CFAP45: variants seen among roughly 807,000 people sequenced by gnomAD.
The protein encoded by CFAP45 is cilia- and flagella-associated protein 45.
In CFAP45, 43 loss-of-function variants were observed where a neutral mutation model predicts 75.6. That is an observed-to-expected ratio of 0.57 (90% CI 0.45 to 0.73). The LOEUF is 0.73. Among genes scored for constraint, CFAP45 ranks in the 30% least tolerant of loss-of-function variants. CFAP45 has a pLI of 0.00. For synonymous variants in CFAP45, 223 were observed against 244.6 expected (o/e 0.91, Z 0.82); for missense variants, 689 against 701.5 (o/e 0.98, Z 0.20).
intron 3 of CFAP45, 112 bp from the exon 4 acceptor site, chr1:159,888,608 A>C (rs779446451): frequency 5.2e-5 from 51 of 979,300 alleles, no homozygotes; most frequent in Non-Finnish European, 7.2e-5. Flanking sequence ...GACTCCCCCA[A>C]TGGCAGAAGA....
At position 159,890,620 on chromosome 1, in the gene CFAP45, G is replaced by T. The variant is rs1443777007; in HGVS notation, c.132C>A (p.Ser44=). The change falls in exon 3 of 12, where the codon TCC becomes TCA. Residue 44 remains serine (S), a splice_region_variant and synonymous_variant. Coordinates refer to ENST00000368099, the MANE Select transcript of CFAP45 (RefSeq NM_012337.3). ...GGCTGTCGCTCTGGCCCTGGGCTGG[G>T]GACTATGAGTTCAGAAAGAATAGCT... ...VDESLFGDIK[S]PAQGQSDSPI... 2 of 1,613,888 alleles carry T rather than the reference G, an allele frequency of 1.2e-6. No homozygotes were observed. The highest frequency in any genetic ancestry group is 1.7e-6 in the Non-Finnish European group (2 of 1,179,948).
Position 159,898,191 on chromosome 1 carries a change from T to C in CFAP45, c.3+1905A>G, listed in dbSNP as rs1022022833. 5.1e-6 allele frequency: 5 copies of C among 985,164 alleles called. No individual in the cohort carries two copies. The African/African-American group carries it at 8.7e-5, about 17-fold the overall frequency. The allele number at this position is 985,164 out of a possible 1,614,324, so 61.0% of individuals were successfully genotyped here. A position where few individuals can be genotyped will look rare whatever the true frequency, so the allele number is the denominator to read the frequency against. On this transcript the variant is annotated intron_variant, in intron 1 of 11. Transcript: ENST00000368099. Reference sequence around the variant, plus strand: ...GGTTACCAAGAAAGGGAGATTCCCATGCACGAGACCCCTTGCCTTTTACTC... The same window carrying C: ...GGTTACCAAGAAAGGGAGATTCCCACGCACGAGACCCCTTGCCTTTTACTC...
chr1:159,882,009 T>A (rs1037329040), intron 7 of CFAP45, among the ~76,000 whole-genome samples: 9 of 152,196 alleles, frequency 5.9e-5, no homozygotes, highest in Non-Finnish European at 1.2e-4. Context: ...CCAAGGTAAC[T>A]CTCCCTGTGT....
In CFAP45 at chr1:159,873,144, C is replaced by T. The variant is rs1255363822; in HGVS notation, c.1377G>A (p.Lys459=). Residue 459 remains lysine (K), a synonymous_variant, in exon 11 of 12, where the codon AAG becomes AAA. Coordinates refer to ENST00000368099, the MANE Select transcript of CFAP45 (RefSeq NM_012337.3). ...CCTTTTTCTCCTCCTCCAGCCGCTC[C>T]TTCTCAATCTGTTCTCTCTGAGCCC... The part of the protein sequence containing the change: ...ILRAQREQIE[K]ERLEEEKKAT... 6.2e-7 allele frequency: 1 copy of T among 1,613,916 alleles called. No homozygotes were observed.
At chr1:159,890,447 T>C (rs1370336204) in intron 3 of CFAP45, 33 bp downstream of exon 3, 2 of 1,611,568 alleles carry the variant, frequency 1.2e-6, no homozygotes, top group Non-Finnish European at 1.7e-6. Flanking sequence ...GGATGAGGAC[T>C]GGACATAGAA....
At chr1:159,881,764 A>G (rs1311678022) in intron 7 of CFAP45, among the ~76,000 whole-genome samples, 2 of 152,162 alleles carry the variant, frequency 1.3e-5, no homozygotes, top group Non-Finnish European at 2.9e-5. Context: ...ACAGCTCTCA[A>G]TGATCAGACC....
chr1:159,883,190 A>C (rs1375161613), intron 7 of CFAP45, among the ~76,000 whole-genome samples: 1 of 152,252 alleles, frequency 6.6e-6, no homozygotes, highest in Admixed American at 6.5e-5. Context: ...AAATGGCACC[A>C]TGAGGAGGCA....
intron 1 of CFAP45, 99 bp from the exon 2 acceptor site, chr1:159,893,404 G>T (rs1290339916): frequency 4.1e-6 from 5 of 1,206,184 alleles, no homozygotes; most frequent in Non-Finnish European, 6.0e-6. Flanking sequence ...GAGTGGGTGG[G>T]CATGTGAAAA....
chr1:159,879,467 T>C (rs1387635459), intron 8 of CFAP45, among the ~76,000 whole-genome samples: 6 of 152,224 alleles, frequency 3.9e-5, no homozygotes, highest in Non-Finnish European at 8.8e-5. Context: ...CACAGGATTA[T>C]TGTAAAGATT....
In CFAP45 at chr1:159,900,123, C is replaced by A. The variant is rs762548649; in HGVS notation, c.-25G>T. The A allele has an allele frequency of 1.2e-6, 2 of 1,614,158 alleles. No homozygotes were observed. The highest frequency in any genetic ancestry group is 1.3e-5 in the African/African-American group (1 of 75,062). ...TCTCCTCAGCCACACGCCCTGACTC[C>A]GGACTTCTGCTGCCGCCTCGGCGCC... On this transcript the variant is annotated 5_prime_UTR_variant, in exon 1 of 12. Coordinates refer to ENST00000368099, the MANE Select transcript of CFAP45 (RefSeq NM_012337.3).
In CFAP45 at chr1:159,872,568, C is replaced by T. The variant is rs188153607; in HGVS notation, c.1578-5G>A. ...TTCTCGGGAAGGCCAGTGGCTCTGCCGGGGAAACGCAGGCAGGTATAAGGA... is the reference window on the plus strand; with the variant it reads ...TTCTCGGGAAGGCCAGTGGCTCTGCTGGGGAAACGCAGGCAGGTATAAGGA... On this transcript the variant is annotated splice_polypyrimidine_tract_variant and splice_region_variant and intron_variant, in intron 11 of 11. Coordinates refer to ENST00000368099, the MANE Select transcript of CFAP45 (RefSeq NM_012337.3). 6.2e-6 allele frequency: 10 copies of T among 1,613,398 alleles called. No homozygotes were observed. In the Admixed American group the frequency reaches 6.7e-5, roughly 11 times the overall value.
intron 1 of CFAP45, among the ~76,000 whole-genome samples, chr1:159,896,739 T>A (rs1557917440): frequency 1.3e-5 from 2 of 152,066 alleles, no homozygotes; most frequent in Admixed American, 6.6e-5. Context: ...TGGGGACAGA[T>A]AAAGATGCCA....
chr1:159,874,176 C>T (rs1649348907), intron 10 of CFAP45, among the ~76,000 whole-genome samples: 1 of 152,152 alleles, frequency 6.6e-6, no homozygotes, highest in African/African-American at 2.4e-5. Flanking sequence ...CTTAAGCTAA[C>T]ATCTAATTTT....
At chr1:159,893,099 A>T in intron 2 of CFAP45, 81 bp downstream of exon 2, 4 of 1,517,002 alleles carry the variant, frequency 2.6e-6, no homozygotes, top group South Asian at 2.3e-5. Context: ...AAGGTTACTC[A>T]GCAGAAGCTT....
Position 159,884,423 on chromosome 1 carries a change from T to C in CFAP45, c.897+13A>G. On this transcript the variant is annotated intron_variant, in intron 7 of 11. Transcript: ENST00000368099. ...AGCTGGTGAAACGTGGCATTGTCTG[T>C]CTGGCCTGTTACCTTTAGATCTTCC... is the stretch of plus-strand genomic sequence containing the variant. 1.9e-6 allele frequency: 3 copies of C among 1,597,984 alleles called. No individual in the cohort carries two copies. The highest frequency in any genetic ancestry group is 2.6e-6 in the Non-Finnish European group (3 of 1,171,256).
chr1:159,876,838 C>CT (rs751192758), intron 9 of CFAP45, 89 bp from the exon 10 acceptor site: 2 of 1,209,344 alleles, frequency 1.7e-6, no homozygotes, highest in African/African-American at 1.5e-5. Context: ...CTTACAGACT[C>CT]TGACAGTCTG....
chr1:159,881,050 A>G (rs766147508), intron 7 of CFAP45, among the ~76,000 whole-genome samples: 42 of 152,266 alleles, frequency 2.8e-4, no homozygotes, highest in Non-Finnish European at 5.3e-4. Flanking sequence ...CCTGCCTTCA[A>G]TGTTCCTCTC....
chr1:159,872,605 C>T lies in CFAP45; in HGVS notation c.1578-42G>A, dbSNP rs373102357. The T allele has an allele frequency of 1.0e-5, 16 of 1,557,232 alleles. No homozygotes were observed. The African/African-American group carries it at 1.8e-4, about 17-fold the overall frequency. On this transcript the variant is annotated intron_variant, in intron 11 of 11. Transcript: ENST00000368099. ...GGCAGGTATAAGGAAAGGTATTGGA[C>T]CAGACAGGAGGTGGGAGGAAGCAGG...
At chr1:159,886,426 A>C (rs917521503) in intron 6 of CFAP45, 85 bp downstream of exon 6, 1 of 1,149,496 alleles carries the variant, frequency 8.7e-7, no homozygotes, top group African/African-American at 1.5e-5. Context: ...ACCATTTCTC[A>C]TCTCTTCCCT....
Sources: gnomAD v4.1 joint callset for allele counts (sites outside exome capture counted in the v4.1 genomes callset) on GRCh38, gnomAD v4.1.1 for gene constraint, MANE v1.5 for transcripts, NCBI Gene and HGNC (gene_info 2026-07-23, HGNC 2026-07-21) for gene names.